The following INPP5A variants were observed in gnomAD, a reference collection of about 807,000 sequenced individuals.
INPP5A encodes the protein 43 kDa inositol polyphosphate 5-phophatase.
A neutral mutation model predicts 65.2 loss-of-function variants in INPP5A; 14 were observed. The observed-to-expected ratio is 0.21, with a 90% CI of 0.14 to 0.34. The LOEUF (loss-of-function observed/expected upper bound fraction) is 0.34. Ranked by LOEUF, INPP5A falls within the 10% of genes least tolerant of loss-of-function variation. INPP5A has a pLI of 1.00. For synonymous variants in INPP5A, 207 were observed against 208.3 expected (o/e 0.99, Z 0.05); for missense variants, 431 against 545.6 (o/e 0.79, Z 2.09).
At chr10:132,701,347 C>T (rs377726470) in intron 6 of INPP5A, among the ~76,000 whole-genome samples, 4 of 152,198 alleles carry the variant, frequency 2.6e-5, no homozygotes, top group East Asian at 3.8e-4. Flanking sequence ...CTCGGGAGAG[C>T]GGAGCCACGG....
Position 132,704,235 on chromosome 10 carries a change from G to A in INPP5A, c.475-4078G>A, listed in dbSNP as rs1231982887. 6.6e-6 allele frequency among the ~76,000 whole-genome samples: 1 copy of A among 152,086 alleles called. No homozygotes were observed. Among genetic ancestry groups the A allele is most frequent in the African/African-American group, 2.4e-5 (1 of 41,400 alleles). On this transcript the variant is annotated intron_variant, in intron 6 of 15. Transcript: ENST00000368594. The surrounding 1 kb of genome is among the most constrained non-coding windows in gnomAD (Gnocchi z 4.5). ...CTGCAGGGACGGTACCTTTTCTCCT[G>A]GAAAGACGCCTGCCTCCCACTGTCA... is the stretch of plus-strand genomic sequence containing the variant.
At chr10:132,725,275 C>T (rs1394321331) in intron 8 of INPP5A, among the ~76,000 whole-genome samples, 1 of 152,216 alleles carries the variant, frequency 6.6e-6, no homozygotes, top group Non-Finnish European at 1.5e-5. Context: ...TGGTTCCACC[C>T]GCACTCAGTC....
intron 1 of INPP5A, among the ~76,000 whole-genome samples, chr10:132,544,328 A>G (rs1201738794): frequency 6.6e-6 from 1 of 152,202 alleles, no homozygotes; most frequent in East Asian, 1.9e-4. Context: ...TTTCGGAGGC[A>G]GCTGTCTTCC....
intron 2 of INPP5A, among the ~76,000 whole-genome samples, chr10:132,614,698 T>G (rs906502727): frequency 6.6e-6 from 1 of 152,248 alleles, no homozygotes; most frequent in African/African-American, 2.4e-5. Flanking sequence ...CCCACATTCC[T>G]GTGTTAACAT....
At chr10:132,744,402 A>T (rs1341504527) in intron 9 of INPP5A, among the ~76,000 whole-genome samples, 1 of 152,126 alleles carries the variant, frequency 6.6e-6, no homozygotes, top group East Asian at 1.9e-4. Flanking sequence ...CAGGAATTCC[A>T]GGACCCCCGG....
chr10:132,755,911 C>T (rs776719189), intron 11 of INPP5A, among the ~76,000 whole-genome samples: 1 of 152,166 alleles, frequency 6.6e-6, no homozygotes, highest in Admixed American at 6.5e-5. Flanking sequence ...TACACGTATC[C>T]AGACACAAAC....
At position 132,678,720 on chromosome 10, in the gene INPP5A, G is replaced by T. The variant is rs775197905; in HGVS notation, c.307-11672G>T. 1.3e-5 allele frequency among the ~76,000 whole-genome samples: 2 copies of T among 152,236 alleles called. No individual in the cohort carries two copies. The highest frequency in any genetic ancestry group is 2.9e-5 in the Non-Finnish European group (2 of 68,034). On this transcript the variant is annotated intron_variant, in intron 4 of 15. Transcript: ENST00000368594. This position sits in a 1 kb window ranked among gnomAD's most constrained non-coding sequence, Gnocchi z 4.1. Reference sequence around the variant, plus strand: ...CTCAGGGGGCTTCCCTTCCCTGAAAGAATTTAGATGAGGAAACCAGTGAGT... The same window carrying T: ...CTCAGGGGGCTTCCCTTCCCTGAAATAATTTAGATGAGGAAACCAGTGAGT...
At chr10:132,766,669 C>T (rs1259083338) in intron 12 of INPP5A, among the ~76,000 whole-genome samples, 1 of 151,714 alleles carries the variant, frequency 6.6e-6, no homozygotes, top group Non-Finnish European at 1.5e-5. Context: ...CTGTGCTCCA[C>T]GGATGTGTGT....
intron 9 of INPP5A, among the ~76,000 whole-genome samples, chr10:132,731,253 C>T (rs1399189690): frequency 6.6e-6 from 1 of 152,140 alleles, no homozygotes; most frequent in Non-Finnish European, 1.5e-5. Context: ...GCATATCAGG[C>T]ACCCCTCCTG....
Position 132,650,307 on chromosome 10 carries a change from C to T in INPP5A, c.219-111C>T. ...CCTCTGCCTGTCACGGGTGGATGGT[C>T]TCACGGTGATGTACCTATGTGCTGG... On this transcript the variant is annotated intron_variant, in intron 3 of 15. Coordinates refer to ENST00000368594, the MANE Select transcript of INPP5A (RefSeq NM_005539.5). This position sits in a 1 kb window ranked among gnomAD's most constrained non-coding sequence, Gnocchi z 5.5. 2.7e-6 allele frequency: 2 copies of T among 736,234 alleles called. No individual in the cohort carries two copies. Among genetic ancestry groups the T allele is most frequent in the South Asian group, 1.5e-5 (1 of 64,866 alleles). The allele number at this position is 736,234 out of a possible 1,614,324, so 45.6% of individuals were successfully genotyped here.
At chr10:132,748,550 C>T (rs1846413341) in intron 9 of INPP5A, among the ~76,000 whole-genome samples, 1 of 152,244 alleles carries the variant, frequency 6.6e-6, no homozygotes. Context: ...GTCTCCAGCT[C>T]TCTTACCTTT....
intron 4 of INPP5A, among the ~76,000 whole-genome samples, chr10:132,655,259 C>G (rs972745208): frequency 3.3e-5 from 5 of 152,198 alleles, no homozygotes; most frequent in Non-Finnish European, 5.9e-5. Context: ...TGTCCCTACC[C>G]CTGGGAACAC....
intron 9 of INPP5A, among the ~76,000 whole-genome samples, chr10:132,732,834 T>C (rs373407462): frequency 1.3e-3 from 196 of 152,274 alleles, no homozygotes; most frequent in African/African-American, 4.4e-3. Flanking sequence ...GTCTTCTGTT[T>C]GCTCATCTGT....
At chr10:132,572,503 T>C (rs2071357629) in intron 1 of INPP5A, among the ~76,000 whole-genome samples, 1 of 151,992 alleles carries the variant, frequency 6.6e-6, no homozygotes, top group South Asian at 2.1e-4. Flanking sequence ...CCGGGGCTGC[T>C]TTCCCTGGGA....
chr10:132,650,886 C>T lies in INPP5A; in HGVS notation c.306+381C>T, dbSNP rs984934760. Among the ~76,000 whole-genome samples, 4 of 152,190 alleles carry T rather than the reference C, an allele frequency of 2.6e-5. No individual in the cohort carries two copies. The highest frequency in any genetic ancestry group is 9.7e-5 in the African/African-American group (4 of 41,442). Reference sequence around the variant, plus strand: ...TGCTTCAAGAGCCACCGTCGCCAGCCCTGCTCCCATGCTGGGTCCGTCCCT... The same window carrying T: ...TGCTTCAAGAGCCACCGTCGCCAGCTCTGCTCCCATGCTGGGTCCGTCCCT... On this transcript the variant is annotated intron_variant, in intron 4 of 15. Coordinates refer to ENST00000368594, the MANE Select transcript of INPP5A (RefSeq NM_005539.5). The surrounding 1 kb of genome is among the most constrained non-coding windows in gnomAD (Gnocchi z 5.5).
intron 9 of INPP5A, among the ~76,000 whole-genome samples, chr10:132,732,725 G>T (rs1846107870): frequency 6.6e-6 from 1 of 152,180 alleles, no homozygotes. Context: ...TATCCCCAGG[G>T]TCACCTGCGG....
In INPP5A at chr10:132,778,302, A is replaced by ATTT. The variant is rs57172206; in HGVS notation, c.1089+548_1089+550dup. 6.7e-3 allele frequency among the ~76,000 whole-genome samples: 491 copies of ATTT among 72,934 alleles called. 12 individuals carry two copies. The highest frequency in any genetic ancestry group is 8.7e-3 in the Non-Finnish European group (376 of 43,030). The allele number at this position is 72,934 out of a possible 152,430, so 47.8% of individuals were successfully genotyped here. ...CTGTGATTTTTTTTTTTTAATAATA[A>ATTT]TTTTTTTTTTTTTTTTTTTTTTTTT... On this transcript the variant is annotated intron_variant, in intron 13 of 15. Transcript: ENST00000368594.
chr10:132,703,546 C>T (rs995545948), intron 6 of INPP5A, among the ~76,000 whole-genome samples: 2 of 148,118 alleles, frequency 1.4e-5, no homozygotes, highest in Admixed American at 6.7e-5. Context: ...CATACACACA[C>T]GTGGCTTCAC....
In INPP5A at chr10:132,762,109, A is replaced by G. The variant is rs1846744625; in HGVS notation, c.904-3664A>G. On this transcript the variant is annotated intron_variant, in intron 11 of 15. Transcript: ENST00000368594. The surrounding 1 kb of genome is among the most constrained non-coding windows in gnomAD (Gnocchi z 4.6). ...GAATGGCCCAGAATGCAGCACAGAA[A>G]CGTGGCAGGATGGGACAGGAGGGTC... Among the ~76,000 whole-genome samples the G allele has an allele frequency of 2.0e-5, 3 of 152,204 alleles. No individual in the cohort carries two copies. Among genetic ancestry groups the G allele is most frequent in the Admixed American group, 2.0e-4 (3 of 15,282 alleles).
Sources: gnomAD v4.1 joint callset for allele counts (sites outside exome capture counted in the v4.1 genomes callset) on GRCh38, gnomAD v4.1.1 for gene constraint, Gnocchi (gnomAD v3.1) non-coding constraint, MANE v1.5 for transcripts, NCBI Gene and HGNC (gene_info 2026-07-23, HGNC 2026-07-21) for gene names.